Variants in MARCHF4 observed in about 807,000 individuals in gnomAD.
MARCHF4 encodes membrane associated ring-CH-type finger 4, also known as E3 ubiquitin-protein ligase MARCHF4.
MARCHF4 carries 14 observed loss-of-function variants against 43.9 expected under a neutral mutation model. The ratio of observed to expected loss-of-function variants is 0.32; its 90% CI spans 0.21 to 0.50. The LOEUF (loss-of-function observed/expected upper bound fraction) is 0.50. Among genes scored for constraint, MARCHF4 ranks in the 20% least tolerant of loss-of-function variants. The pLI is 0.98. For synonymous variants in MARCHF4, 226 were observed against 213.3 expected, an observed-to-expected ratio of 1.06 and a Z score of -0.52; for missense variants, 468 against 536.7, an observed-to-expected ratio of 0.87 and a Z score of 1.27.
At chr2:216,366,431 G>A (rs567978850) in intron 1 of MARCHF4, among the ~76,000 whole-genome samples, 1 of 152,330 alleles carries the variant, frequency 6.6e-6, no homozygotes, top group South Asian at 2.1e-4. Context: ...ATGGTGGAGA[G>A]GAGAGAGGCT....
chr2:216,274,505 C>G (rs1216215274), intron 3 of MARCHF4, among the ~76,000 whole-genome samples: 1 of 151,936 alleles, frequency 6.6e-6, no homozygotes, highest in African/African-American at 2.4e-5. Flanking sequence ...TTTCCCTCTA[C>G]TGGACAGAAT....
chr2:216,299,304 C>T (rs938098400), intron 1 of MARCHF4, among the ~76,000 whole-genome samples: 52 of 152,236 alleles, frequency 3.4e-4, no homozygotes, highest in Admixed American at 2.6e-4. Context: ...GGGTGTTTTG[C>T]CTTCTCCGTG....
chr2:216,314,477 C>T (rs1691740168), intron 1 of MARCHF4, among the ~76,000 whole-genome samples: 1 of 152,112 alleles, frequency 6.6e-6, no homozygotes, highest in Non-Finnish European at 1.5e-5. Flanking sequence ...GCACACGCCA[C>T]CACGCCCAGC....
At chr2:216,276,141 A>T (rs1295661872) in intron 3 of MARCHF4, among the ~76,000 whole-genome samples, 1 of 152,258 alleles carries the variant, frequency 6.6e-6, no homozygotes, top group Non-Finnish European at 1.5e-5. Context: ...ACAGGAAAGC[A>T]TGTCTTATAG....
intron 1 of MARCHF4, among the ~76,000 whole-genome samples, chr2:216,346,878 T>C (rs1692328640): frequency 6.6e-6 from 1 of 152,130 alleles, no homozygotes; most frequent in African/African-American, 2.4e-5. Flanking sequence ...TCCCCAGTGT[T>C]AGAGGTGGGG....
intron 1 of MARCHF4, among the ~76,000 whole-genome samples, chr2:216,342,829 T>A (rs1692257066): frequency 6.6e-6 from 1 of 152,178 alleles, no homozygotes; most frequent in Non-Finnish European, 1.5e-5. Flanking sequence ...GCTCCTGGGT[T>A]CCAGTCTAGT....
intron 3 of MARCHF4, among the ~76,000 whole-genome samples, chr2:216,269,051 C>G (rs1397123555): frequency 6.6e-6 from 1 of 152,102 alleles, no homozygotes; most frequent in Non-Finnish European, 1.5e-5. Flanking sequence ...ACAAAACTTT[C>G]TATAATTTTG....
At chr2:216,308,391 C>T (rs561399665) in intron 1 of MARCHF4, among the ~76,000 whole-genome samples, 2 of 152,156 alleles carry the variant, frequency 1.3e-5, no homozygotes, top group Non-Finnish European at 2.9e-5. Flanking sequence ...GCAACAGAGC[C>T]AGACCCTCTC....
At chr2:216,353,115 G>A (rs1166618140) in intron 1 of MARCHF4, among the ~76,000 whole-genome samples, 3 of 152,016 alleles carry the variant, frequency 2.0e-5, no homozygotes, top group Admixed American at 6.5e-5. Context: ...TTCTAACCAC[G>A]GAGCCTAACT....
intron 1 of MARCHF4, among the ~76,000 whole-genome samples, chr2:216,361,753 T>C (rs1692582513): frequency 6.6e-6 from 1 of 152,230 alleles, no homozygotes; most frequent in Non-Finnish European, 1.5e-5. Flanking sequence ...TGGGGTTTAC[T>C]GTGATGGAAG....
chr2:216,329,543 TG>T (rs1226271862), intron 1 of MARCHF4, among the ~76,000 whole-genome samples: 1 of 150,296 alleles, frequency 6.7e-6, no homozygotes, highest in Non-Finnish European at 1.5e-5. Context: ...AACATATAAC[TG>T]AGAAGCTAAT....
chr2:216,344,950 T>G (rs1386893278), intron 1 of MARCHF4, among the ~76,000 whole-genome samples: 1 of 151,552 alleles, frequency 6.6e-6, no homozygotes, highest in Non-Finnish European at 1.5e-5. Context: ...AAAATAGATA[T>G]TTACAGGAGT....
intron 1 of MARCHF4, among the ~76,000 whole-genome samples, chr2:216,367,021 T>C (rs987501175): frequency 1.3e-5 from 2 of 152,226 alleles, no homozygotes; most frequent in Non-Finnish European, 2.9e-5. Flanking sequence ...CTCTTGCTGT[T>C]CCTCACCACA....
chr2:216,330,788 TTCA>T (rs969245447), intron 1 of MARCHF4, among the ~76,000 whole-genome samples: 1 of 152,112 alleles, frequency 6.6e-6, no homozygotes, highest in African/African-American at 2.4e-5. Context: ...GTGGAAAAAT[TTCA>T]TCCTTAATAA....
chr2:216,362,697 C>T (rs1574488667), intron 1 of MARCHF4, among the ~76,000 whole-genome samples: 1 of 152,182 alleles, frequency 6.6e-6, no homozygotes, highest in Admixed American at 6.5e-5. Context: ...CTTTCCCTGA[C>T]AATTTGCATC....
chr2:216,336,426 T>G (rs1186782833), intron 1 of MARCHF4, among the ~76,000 whole-genome samples: 2 of 152,166 alleles, frequency 1.3e-5, no homozygotes, highest in Non-Finnish European at 2.9e-5. Flanking sequence ...TCAGACTTGT[T>G]GGTGATCTCC....
intron 1 of MARCHF4, among the ~76,000 whole-genome samples, chr2:216,328,326 T>C (rs910326993): frequency 6.6e-6 from 1 of 152,206 alleles, no homozygotes; most frequent in African/African-American, 2.4e-5. Context: ...TGCACCACCA[T>C]GCCCGGCTAA....
chr2:216,364,242 C>A (rs904152005), intron 1 of MARCHF4, among the ~76,000 whole-genome samples: 1 of 152,036 alleles, frequency 6.6e-6, no homozygotes, highest in Non-Finnish European at 1.5e-5. Context: ...GTTCTCCTAC[C>A]TATGAAGCTG....
At chr2:216,286,521 A>AT (rs1491553126) in intron 1 of MARCHF4, among the ~76,000 whole-genome samples, 2 of 16,438 alleles carry the variant, frequency 1.2e-4, no homozygotes, top group Non-Finnish European at 6.7e-4. Flanking sequence ...AACTCCATCT[A>AT]AAAAAAAAAA....
Sources: gnomAD v4.1 joint callset for allele counts (sites outside exome capture counted in the v4.1 genomes callset) on GRCh38, gnomAD v4.1.1 for gene constraint, MANE v1.5 for transcripts, NCBI Gene and HGNC (gene_info 2026-07-23, HGNC 2026-07-21) for gene names.